Variants in RGS12 observed in about 807,000 individuals in gnomAD.
RGS12 encodes the protein regulator of G protein signaling 12.
RGS12 carries 66 observed loss-of-function variants against 120.1 expected under a neutral mutation model. The ratio of observed to expected loss-of-function variants is 0.55; its 90% CI spans 0.45 to 0.67. The LOEUF is 0.67. RGS12 is among the 30% of genes least tolerant of loss of function. The probability of loss-of-function intolerance (pLI) is 0.00; values close to 1 mark genes in which losing one functional copy is unlikely to be tolerated. For synonymous variants in RGS12, 827 were observed against 804.7 expected (o/e 1.03, Z -0.47); for missense variants, 1,859 against 1,957.7 (o/e 0.95, Z 0.95).
intron 3 of RGS12, among the ~76,000 whole-genome samples, chr4:3,368,123 G>A (rs1716530088): frequency 1.3e-5 from 2 of 152,158 alleles, no homozygotes; most frequent in African/African-American, 4.8e-5. Context: ...CAGGGTCTGG[G>A]GGCCCTGGGG....
upstream of RGS12, among the ~76,000 whole-genome samples, chr4:3,289,323 C>T (rs1722963425): frequency 6.6e-6 from 1 of 152,052 alleles, no homozygotes; most frequent in Non-Finnish European, 1.5e-5. Flanking sequence ...CTGCCTCAGT[C>T]TCCTGAGTAG....
chr4:3,435,661 G>C (rs541633167), intron 17 of RGS12, among the ~76,000 whole-genome samples: 1 of 151,816 alleles, frequency 6.6e-6, no homozygotes, highest in Non-Finnish European at 1.5e-5. Context: ...AGCTGGCCTC[G>C]GCCCTCCTCC....
chr4:3,362,569 TTGGTGTGA>T (rs1715725358), intron 3 of RGS12, among the ~76,000 whole-genome samples: 1 of 115,674 alleles, frequency 8.6e-6, no homozygotes, highest in East Asian at 2.6e-4. Context: ...GATGTGAGGG[TTGGTGTGA>T]GGGTGTGAGG....
chr4:3,431,796 G>C (rs1001108137), intron 17 of RGS12: 213 of 985,670 alleles, frequency 2.2e-4, no homozygotes, highest in Non-Finnish European at 2.5e-4. Context: ...TTGCTGCTGG[G>C]GGCGATGGGA....
chr4:3,352,867 C>G (rs532631574), intron 3 of RGS12, among the ~76,000 whole-genome samples: 2 of 152,178 alleles, frequency 1.3e-5, no homozygotes, highest in South Asian at 2.1e-4. Context: ...ATAGTGACTC[C>G]GTTTTGAACC....
chr4:3,416,217 G>A, intron 7 of RGS12, 96 bp downstream of exon 7: 2 of 1,405,152 alleles, frequency 1.4e-6, no homozygotes, highest in Non-Finnish European at 9.8e-7. Context: ...GCAGGCCAGT[G>A]GATCGAGAGC....
chr4:3,312,597 C>T (rs891497955), intron 1 of RGS12: 16 of 231,582 alleles, frequency 6.9e-5, no homozygotes, highest in Non-Finnish European at 1.4e-4. Context: ...GTGCTTGAGC[C>T]CAGTGATGAG....
intron 17 of RGS12, among the ~76,000 whole-genome samples, chr4:3,436,701 G>A (rs1163696382): frequency 7.9e-5 from 12 of 152,230 alleles, no homozygotes; most frequent in Admixed American, 7.8e-4. Flanking sequence ...GGCAGTGGCT[G>A]GCACAGAGAC....
chr4:3,373,327 G>A (rs866319096), intron 3 of RGS12, among the ~76,000 whole-genome samples: 1 of 152,228 alleles, frequency 6.6e-6, no homozygotes, highest in Non-Finnish European at 1.5e-5. Context: ...GCGGGACCAG[G>A]TTGTGTTAGG....
chr4:3,346,455 TGTGGTCTAA>T (rs1048311900), intron 3 of RGS12, among the ~76,000 whole-genome samples: 1 of 152,176 alleles, frequency 6.6e-6, no homozygotes, highest in Non-Finnish European at 1.5e-5. Flanking sequence ...AGTCCTGTCT[TGTGGTCTAA>T]GTGTCTCTGG....
Position 3,430,782 on chromosome 4 carries a change from C to T in RGS12, c.3941C>T (p.Ala1314Val), listed in dbSNP as rs1724204004. ...SPVSLAQEGT[A>V]QIWKRQSQEV... ...GTCTCCCTCGCGCAGGAGGGCACCG[C>T]CCAGATCTGGAAGAGGCAGTCTCAG... is the stretch of plus-strand genomic sequence containing the variant. The change falls in exon 17 of 18, where the codon GCC (alanine) becomes GTC (valine). Residue 1314 changes from alanine (A) to valine (V), a missense_variant. Around this residue, in one of 3 missense-constraint regions of RGS12, gnomAD observed 517 missense variants for 488.5 expected, o/e 1.06. Coordinates refer to ENST00000336727, the MANE Select transcript of RGS12 (RefSeq NM_001394154.1). 5.0e-6 allele frequency: 8 copies of T among 1,611,714 alleles called. No individual in the cohort carries two copies. The East Asian group carries it at 1.6e-4, about 31-fold the overall frequency.
At chr4:3,423,109 C>CGGGGG in intron 12 of RGS12, 131 bp downstream of exon 12, 1 of 508,324 alleles carries the variant, frequency 2.0e-6, no homozygotes, top group South Asian at 3.0e-5. Flanking sequence ...GGTGTCGGGG[C>CGGGGG]GGGGGGAGGG....
At chr4:3,404,255 C>T (rs1720885719) in intron 4 of RGS12, among the ~76,000 whole-genome samples, 1 of 152,212 alleles carries the variant, frequency 6.6e-6, no homozygotes, top group South Asian at 2.1e-4. Flanking sequence ...TCAATCACAT[C>T]ATGGCAGCCA....
In RGS12 at chr4:3,430,447, A is replaced by G. The variant is rs779578536; in HGVS notation, c.3606A>G (p.Ala1202=). ...ELISKAQSNR[A]DDQRGLLRKE... ...TTTCCAAAGCTCAGAGCAACAGAGCAGATGACCAACGTGGGCTGCTAAGGA... is the reference window on the plus strand; with the variant it reads ...TTTCCAAAGCTCAGAGCAACAGAGCGGATGACCAACGTGGGCTGCTAAGGA... Residue 1202 remains alanine (A), a synonymous_variant, in exon 17 of 18, where the codon GCA becomes GCG. Transcript: ENST00000336727. The G allele has an allele frequency of 6.2e-6, 10 of 1,613,932 alleles. No individual in the cohort carries two copies. The highest frequency in any genetic ancestry group is 8.5e-6 in the Non-Finnish European group (10 of 1,179,984).
intron 2 of RGS12, among the ~76,000 whole-genome samples, chr4:3,338,894 C>T (rs573352373): frequency 6.6e-6 from 1 of 151,986 alleles, no homozygotes; most frequent in Non-Finnish European, 1.5e-5. Flanking sequence ...GCTAAATCGG[C>T]GGTGATGATC....
At chr4:3,428,467 A>G (rs902237018) in intron 15 of RGS12, 91 bp from the exon 16 acceptor site, 5 of 1,150,114 alleles carry the variant, frequency 4.3e-6, no homozygotes, top group Admixed American at 2.3e-5. Flanking sequence ...AATGCAATCT[A>G]TTTCATAGAG....
At chr4:3,297,353 G>A (rs1723437862) in intron 1 of RGS12, among the ~76,000 whole-genome samples, 1 of 152,234 alleles carries the variant, frequency 6.6e-6, no homozygotes, top group African/African-American at 2.4e-5. Flanking sequence ...GCAGCCCCCA[G>A]AGGCGGGATC....
At chr4:3,436,899 C>G (rs565416907) in intron 17 of RGS12, among the ~76,000 whole-genome samples, 2 of 152,074 alleles carry the variant, frequency 1.3e-5, no homozygotes, top group East Asian at 3.9e-4. Context: ...CGTGGGGCGC[C>G]GGGGAGAGGT....
rs558099446 is a variant in RGS12 at position 3,311,046 on chromosome 4, A to G, written c.-101-5024A>G. ...TGGTGTTTAGGATGACATGCGCTGC[A>G]CAGCAAGTCCTGGCCGTGGCGGCTG... On this transcript the variant is annotated intron_variant, in intron 1 of 17. Transcript: ENST00000336727. Among the ~76,000 whole-genome samples, 5 of 152,252 alleles carry G rather than the reference A, an allele frequency of 3.3e-5. No individual in the cohort carries two copies. In the South Asian group the frequency reaches 6.2e-4, roughly 19 times the overall value.
Sources: allele counts gnomAD v4.1 joint callset (sites outside exome capture counted in the v4.1 genomes callset), GRCh38; gene constraint gnomAD v4.1.1; regional missense constraint gnomAD v4.1.1; transcripts MANE v1.5; gene names NCBI Gene and HGNC (gene_info 2026-07-23, HGNC 2026-07-21).